Variants in RELN observed in about 807,000 individuals in gnomAD.
The protein encoded by RELN is reelin.
Under a neutral mutation model 427.6 loss-of-function variants are expected in RELN, and 108 were observed. The observed-to-expected ratio is 0.25, with a 90% CI of 0.22 to 0.30. The LOEUF (loss-of-function observed/expected upper bound fraction) is 0.30. Among genes scored for constraint, RELN ranks in the 10% least tolerant of loss-of-function variants. RELN has a pLI of 1.00. For synonymous variants in RELN, 1,524 were observed against 1,513.4 expected, an observed-to-expected ratio of 1.01 and a Z score of -0.16; for missense variants, 3,715 against 4,302.8, an observed-to-expected ratio of 0.86 and a Z score of 3.82.
chr7:103,664,406 C>G (rs969739335), intron 11 of RELN, among the ~76,000 whole-genome samples: 3 of 152,144 alleles, frequency 2.0e-5, no homozygotes, highest in African/African-American at 4.8e-5. Flanking sequence ...TCTCCTTTGT[C>G]TCTAGAATCA....
intron 3 of RELN, among the ~76,000 whole-genome samples, chr7:103,804,332 G>T (rs554571301): frequency 6.6e-6 from 1 of 152,056 alleles, no homozygotes; most frequent in East Asian, 1.9e-4. Context: ...GTTGTCTGAA[G>T]TTGCTGGAAA....
At chr7:103,621,996 A>G (rs550138639) in intron 20 of RELN, among the ~76,000 whole-genome samples, 19 of 152,342 alleles carry the variant, frequency 1.2e-4, no homozygotes, top group Non-Finnish European at 2.4e-4. Flanking sequence ...AGCCTGGGCA[A>G]CAGTGTGAGA....
rs201044262 is a variant in RELN, at chr7:103,640,597, G to A, written c.2015C>T (p.Pro672Leu). Residue 672 changes from proline to leucine, a missense_variant, in exon 17 of 65, where the codon CCG (proline) becomes CTG (leucine). Pro to Leu is a moderately conservative substitution (Grantham distance 98, BLOSUM62 -3). This residue lies in a region of RELN where 2,208 missense variants were observed against 2,361.7 expected (regional missense o/e 0.93). Coordinates refer to ENST00000428762, the MANE Select transcript of RELN (RefSeq NM_005045.4). This position sits in a 1 kb window ranked among gnomAD's most constrained non-coding sequence, Gnocchi z 4.1. The part of the protein sequence containing the change: ...MWAIDNVYIG[P>L]SCLKFCSGRG... ...GCCAGAACAGAATTTGAGACATGAC[G>A]GGCCAATATAAACTGTGGGAGGGAA... 1.6e-4 allele frequency: 252 copies of A among 1,613,590 alleles called. No homozygotes were observed. The highest frequency in any genetic ancestry group is 4.9e-4 in the Middle Eastern group (3 of 6,076).
chr7:103,639,692 C>A (rs1414222727), intron 17 of RELN, among the ~76,000 whole-genome samples: 1 of 152,076 alleles, frequency 6.6e-6, no homozygotes, highest in Non-Finnish European at 1.5e-5. Context: ...AGCCACCATG[C>A]CCAGCCTACA....
intron 28 of RELN, among the ~76,000 whole-genome samples, chr7:103,580,351 A>G (rs1053021553): frequency 3.3e-5 from 5 of 152,224 alleles, no homozygotes; most frequent in Admixed American, 2.6e-4. Flanking sequence ...GCCATCAAGC[A>G]GCAAGCTGGA....
intron 2 of RELN, among the ~76,000 whole-genome samples, chr7:103,886,522 T>A (rs1278664493): frequency 1.3e-5 from 2 of 152,204 alleles, no homozygotes; most frequent in Non-Finnish European, 2.9e-5. Flanking sequence ...TTAATGCACA[T>A]CTTGATTTTA....
intron 1 of RELN, among the ~76,000 whole-genome samples, chr7:103,937,073 T>C (rs1334277583): frequency 6.6e-6 from 1 of 152,226 alleles, no homozygotes; most frequent in African/African-American, 2.4e-5. Context: ...CTTATGGATG[T>C]GAATGTGTGT....
chr7:103,531,917 G>C (rs2299335), intron 46 of RELN, among the ~76,000 whole-genome samples: 9,528 of 152,158 alleles, frequency 0.063, 460 homozygotes, highest in East Asian at 0.17. Context: ...AGGCAGAAAC[G>C]GCATTCGACC....
intron 8 of RELN, among the ~76,000 whole-genome samples, chr7:103,722,628 C>T (rs918399784): frequency 6.6e-6 from 1 of 152,096 alleles, no homozygotes; most frequent in Admixed American, 6.6e-5. Context: ...ACTTTTAGCT[C>T]TAAAACAAAA....
chr7:103,869,203 T>C (rs898786621), intron 2 of RELN, among the ~76,000 whole-genome samples: 3 of 152,038 alleles, frequency 2.0e-5, no homozygotes, highest in Non-Finnish European at 2.9e-5. Flanking sequence ...GTGTACAGGG[T>C]CAGGTGTGAA....
At chr7:103,890,940 G>T (rs903235438) in intron 2 of RELN, among the ~76,000 whole-genome samples, 2 of 152,128 alleles carry the variant, frequency 1.3e-5, no homozygotes, top group Admixed American at 1.3e-4. Flanking sequence ...GCTGGGCATG[G>T]TGGTGCGCAC....
Position 103,542,793 on chromosome 7 carries a change from G to A in RELN, c.6609C>T (p.Leu2203=), listed in dbSNP as rs760710751. The A allele has an allele frequency of 3.7e-6, 6 of 1,613,988 alleles. No homozygotes were observed. Among genetic ancestry groups the A allele is most frequent in the African/African-American group, 1.3e-5 (1 of 74,914 alleles). Residue 2203 remains leucine (L), a synonymous_variant, in exon 43 of 65, where the codon CTC becomes CTT. Transcript: ENST00000428762. ...KCGILSSGNN[L]FFNEDGLRML... Reference sequence around the variant, plus strand: ...TGCGCAAGCCATCTTCATTGAAAAAGAGGTTGTTTCCACTAGAAAGGATTC... The same window carrying A: ...TGCGCAAGCCATCTTCATTGAAAAAAAGGTTGTTTCCACTAGAAAGGATTC...
intron 25 of RELN, among the ~76,000 whole-genome samples, chr7:103,595,630 C>G (rs117185813): frequency 1.3e-5 from 2 of 151,722 alleles, no homozygotes; most frequent in Non-Finnish European, 2.9e-5. Context: ...ATAAACAAGT[C>G]TCATTTGTAA....
chr7:103,860,351 T>G (rs1283575561), intron 2 of RELN, among the ~76,000 whole-genome samples: 1 of 152,194 alleles, frequency 6.6e-6, no homozygotes, highest in African/African-American at 2.4e-5. Flanking sequence ...AATTATTATA[T>G]GGAATAAGGC....
Position 103,749,386 on chromosome 7 carries a change from C to A in RELN, c.656+40G>T, listed in dbSNP as rs1374699787. On this transcript the variant is annotated intron_variant, in intron 6 of 64. Transcript: ENST00000428762. ...AAGGAGCAGTCAGCATCATTTGTTA[C>A]ATTAAGCAAACCAAAGTGAGGAATG... The A allele has an allele frequency of 2.0e-6, 3 of 1,492,596 alleles. No individual in the cohort carries two copies. In the Admixed American group the frequency reaches 5.0e-5, roughly 25 times the overall value. The allele number at this position is 1,492,596 out of a possible 1,614,324, so 92.5% of individuals were successfully genotyped here.
At position 103,877,826 on chromosome 7, in the gene RELN, T is replaced by C. The variant is rs975569983; in HGVS notation, c.337+39249A>G. ...TTCCTTCGTCCTTCCTCCTCCTCCT[T>C]CTTCTTCTTCCTTTTCTCTGTCTCT... On this transcript the variant is annotated intron_variant, in intron 2 of 64. Coordinates refer to ENST00000428762, the MANE Select transcript of RELN (RefSeq NM_005045.4). Among the ~76,000 whole-genome samples the C allele has an allele frequency of 8.0e-5, 12 of 149,674 alleles. 1 individual carries two copies. Among genetic ancestry groups the C allele is most frequent in the South Asian group, 6.3e-4 (3 of 4,744 alleles).
chr7:103,957,021 C>G (rs2116778377), intron 1 of RELN, among the ~76,000 whole-genome samples: 1 of 152,248 alleles, frequency 6.6e-6, no homozygotes, highest in East Asian at 1.9e-4. Flanking sequence ...GAATTTTACC[C>G]TAACACAGAA....
At chr7:103,604,033 ACTAGTG>A (rs1455599604) in intron 23 of RELN, among the ~76,000 whole-genome samples, 3 of 152,132 alleles carry the variant, frequency 2.0e-5, no homozygotes, top group African/African-American at 7.2e-5. Flanking sequence ...GCAGGGTTTG[ACTAGTG>A]CTCTAAGATT....
chr7:103,575,502 T>C, intron 29 of RELN, 46 bp downstream of exon 29: 3 of 1,566,106 alleles, frequency 1.9e-6, no homozygotes, highest in South Asian at 1.1e-5. Flanking sequence ...CAACTAGAGA[T>C]GACTATTTTA....
Sources: gnomAD v4.1 joint callset for allele counts (sites outside exome capture counted in the v4.1 genomes callset) on GRCh38, gnomAD v4.1.1 for gene constraint, gnomAD v4.1.1 regional missense constraint, Gnocchi (gnomAD v3.1) non-coding constraint, MANE v1.5 for transcripts, NCBI Gene and HGNC (gene_info 2026-07-23, HGNC 2026-07-21) for gene names.